Variants in GFM2 observed in about 807,000 individuals in gnomAD.
The protein encoded by GFM2 is ribosome-releasing factor 2, mitochondrial.
A neutral mutation model predicts 95.4 loss-of-function variants in GFM2; 72 were observed. The observed-to-expected ratio is 0.76, with a 90% CI of 0.62 to 0.92. The LOEUF is 0.92. Among genes scored for constraint, GFM2 ranks in the 40% least tolerant of loss-of-function variants. The pLI is 0.00. For synonymous variants in GFM2, 276 were observed against 317.5 expected (o/e 0.87, Z 1.39); for missense variants, 825 against 924.1 (o/e 0.89, Z 1.39).
chr5:74,733,567 A>C (rs889738131), intron 15 of GFM2, among the ~76,000 whole-genome samples: 1 of 152,166 alleles, frequency 6.6e-6, no homozygotes, highest in Admixed American at 6.5e-5. Context: ...AAGAGCAAGA[A>C]GACTAGCAGC....
chr5:74,755,281 A>C (rs1293056301), intron 5 of GFM2, among the ~76,000 whole-genome samples: 3 of 152,194 alleles, frequency 2.0e-5, no homozygotes, highest in Non-Finnish European at 4.4e-5. Flanking sequence ...TCAAAATTAT[A>C]TCAAGTACTC....
intron 16 of GFM2, among the ~76,000 whole-genome samples, chr5:74,731,163 TG>T (rs1477787005): frequency 6.6e-6 from 1 of 152,212 alleles, no homozygotes; most frequent in Admixed American, 6.5e-5. Flanking sequence ...CACATCAGAA[TG>T]AGGGCTATAC....
chr5:74,733,639 T>C (rs999298199), intron 15 of GFM2, among the ~76,000 whole-genome samples: 6 of 152,244 alleles, frequency 3.9e-5, no homozygotes, highest in African/African-American at 1.4e-4. Context: ...GTGGCAGGGA[T>C]CATATCATGT....
intron 14 of GFM2, among the ~76,000 whole-genome samples, chr5:74,737,431 C>T (rs780377572): frequency 6.6e-6 from 1 of 152,072 alleles, no homozygotes; most frequent in Non-Finnish European, 1.5e-5. Context: ...ATGTAGAGCC[C>T]AATTATCTTT....
chr5:74,722,523 C>CAGAGGCTCCAAAACTTGCTTATCAG lies in GFM2; in HGVS notation c.2042_2066dup (p.Met690Ter). 6.2e-7 allele frequency: 1 copy of CAGAGGCTCCAAAACTTGCTTATCAG among 1,613,722 alleles called. No individual in the cohort carries two copies. Among genetic ancestry groups the CAGAGGCTCCAAAACTTGCTTATCAG allele is most frequent in the Non-Finnish European group, 8.5e-7 (1 of 1,179,850 alleles). On this transcript the variant is annotated stop_gained and frameshift_variant, in exon 20 of 21. Transcript: ENST00000296805. LOFTEE classifies it high-confidence loss of function. ...TAGCTACTGTAACCTCAAGATTCAT[C>CAGAGGCTCCAAAACTTGCTTATCAG]AGAGGCTCCAAAACTTGCTTATCAG...
At chr5:74,751,750 C>T (rs1173978623) in intron 5 of GFM2, among the ~76,000 whole-genome samples, 1 of 152,102 alleles carries the variant, frequency 6.6e-6, no homozygotes, top group Admixed American at 6.6e-5. Flanking sequence ...ATTTTACTTA[C>T]TTACTTCTTT....
rs779582321 is a variant in GFM2 at position 74,765,120 on chromosome 5, G to A, written c.-24-1354C>T. 8.0e-6 allele frequency: 10 copies of A among 1,244,946 alleles called. No homozygotes were observed. The South Asian group carries it at 1.2e-4, about 15-fold the overall frequency. The allele number at this position is 1,244,946 out of a possible 1,614,324, so 77.1% of individuals were successfully genotyped here. Reference sequence around the variant, plus strand: ...TTCCCTTTTCATTGGTAACGCCAAAGTTCAGGGCCTCATAGTCTCTCCACA... The same window carrying A: ...TTCCCTTTTCATTGGTAACGCCAAAATTCAGGGCCTCATAGTCTCTCCACA... On this transcript the variant is annotated intron_variant, in intron 1 of 20. Transcript: ENST00000296805.
intron 19 of GFM2, among the ~76,000 whole-genome samples, chr5:74,723,376 C>T (rs1170888102): frequency 6.6e-6 from 1 of 152,184 alleles, no homozygotes; most frequent in Admixed American, 6.5e-5. Context: ...CTGAGCTCAT[C>T]ATTTTCTTCT....
rs1743931196 is a variant in GFM2 at position 74,755,457 on chromosome 5, G to C, written c.304+3392C>G. Among the ~76,000 whole-genome samples the C allele has an allele frequency of 2.0e-5, 3 of 152,170 alleles. No homozygotes were observed. The South Asian group carries it at 6.2e-4, about 32-fold the overall frequency. The stretch of plus-strand genomic sequence containing the variant: ...AAACAAAAAGCTGGTTCTTTGAAAA[G>C]ATAAATAAAATTGATAGACCATTAG... On this transcript the variant is annotated intron_variant, in intron 5 of 20. Coordinates refer to ENST00000296805, the MANE Select transcript of GFM2 (RefSeq NM_032380.5).
intron 14 of GFM2, 60 bp downstream of exon 14, chr5:74,738,258 G>T: frequency 8.0e-7 from 1 of 1,244,446 alleles, no homozygotes; most frequent in Non-Finnish European, 1.2e-6. Context: ...ATTACAAGTT[G>T]CTTACTTGTA....
intron 8 of GFM2, among the ~76,000 whole-genome samples, chr5:74,746,715 T>C (rs1053392775): frequency 2.0e-5 from 3 of 152,064 alleles, no homozygotes; most frequent in African/African-American, 7.2e-5. Context: ...GTCATTCCGG[T>C]CCCATTGTTT....
At chr5:74,743,350 G>A (rs985836643) in intron 10 of GFM2, among the ~76,000 whole-genome samples, 5 of 152,042 alleles carry the variant, frequency 3.3e-5, no homozygotes, top group Non-Finnish European at 7.4e-5. Context: ...CATAGTGGCC[G>A]CAACATTTAC....
rs899429584 is a variant in GFM2, at chr5:74,737,058, T to C, written c.1321-73A>G. On this transcript the variant is annotated intron_variant, in intron 14 of 20. Coordinates refer to ENST00000296805, the MANE Select transcript of GFM2 (RefSeq NM_032380.5). ...GCTCATCTTACACCAAGAACCACAA[T>C]ATAAGAAAACTTTTTTGTGGCCCTT... 3.4e-6 allele frequency: 5 copies of C among 1,461,672 alleles called. No homozygotes were observed. In the African/African-American group the frequency reaches 5.7e-5, roughly 17 times the overall value. 90.5% of individuals were successfully genotyped at this position (1,461,672 alleles called of 1,614,324 possible). A position where few individuals can be genotyped will look rare whatever the true frequency, so the allele number is the denominator to read the frequency against.
At chr5:74,736,506 C>T (rs1742841188) in intron 15 of GFM2, 1 of 984,970 alleles carries the variant, frequency 1.0e-6, no homozygotes, top group African/African-American at 1.7e-5. Context: ...ATCTAATATA[C>T]TAGAAGGGCA....
At chr5:74,725,430 G>A (rs1323929931) in intron 19 of GFM2, among the ~76,000 whole-genome samples, 1 of 152,096 alleles carries the variant, frequency 6.6e-6, no homozygotes, top group Non-Finnish European at 1.5e-5. Context: ...AGCAATCCAT[G>A]TTACATAGTA....
At chr5:74,752,019 A>C (rs901132777) in intron 5 of GFM2, among the ~76,000 whole-genome samples, 25 of 152,146 alleles carry the variant, frequency 1.6e-4, no homozygotes, top group African/African-American at 6.0e-4. Flanking sequence ...TACCTAGTCT[A>C]GTAGATGATA....
intron 1 of GFM2, among the ~76,000 whole-genome samples, chr5:74,766,733 CAG>C (rs765946561): frequency 6.6e-6 from 1 of 152,232 alleles, no homozygotes; most frequent in Non-Finnish European, 1.5e-5. Flanking sequence ...ACACATTACA[CAG>C]AGTGACCGGA....
intron 1 of GFM2, chr5:74,765,001 G>A: frequency 2.6e-6 from 1 of 384,986 alleles, no homozygotes; most frequent in Non-Finnish European, 4.4e-6. Flanking sequence ...AGCCAGACTG[G>A]TCGTGAACTC....
intron 1 of GFM2, among the ~76,000 whole-genome samples, chr5:74,764,537 T>C (rs1180812682): frequency 6.6e-6 from 1 of 152,094 alleles, no homozygotes; most frequent in Non-Finnish European, 1.5e-5. Context: ...TTAGTTATCA[T>C]TAGTGATTTT....
Sources: allele counts gnomAD v4.1 joint callset (sites outside exome capture counted in the v4.1 genomes callset), GRCh38; gene constraint gnomAD v4.1.1; transcripts MANE v1.5; gene names NCBI Gene and HGNC (gene_info 2026-07-23, HGNC 2026-07-21).